Variants in P3H4 observed in about 807,000 individuals in gnomAD.
P3H4 encodes the protein endoplasmic reticulum protein SC65.
In P3H4, 47 loss-of-function variants were observed where a neutral mutation model predicts 52.9. The observed-to-expected ratio is 0.89, with a 90% confidence interval of 0.70 to 1.13. P3H4 has a LOEUF of 1.13. Ranked by LOEUF, P3H4 falls within the 50% of genes most tolerant of loss-of-function variation. The pLI is 0.00. For missense variants in P3H4, 585 were observed against 611.0 expected, an observed-to-expected ratio of 0.96 and a Z score of 0.45; for synonymous variants, 256 against 267.9, an observed-to-expected ratio of 0.96 and a Z score of 0.44.
intron 6 of P3H4, 115 bp from the exon 7 acceptor site, chr17:41,803,546 T>C: frequency 6.9e-6 from 6 of 872,568 alleles, no homozygotes; most frequent in Admixed American, 2.7e-5. Context: ...CCAAAGCCCC[T>C]CCCCCTCCCC....
rs782244634 is a variant in P3H4, at chr17:41,803,344, C to T, written c.1234G>A (p.Gly412Ser). ...TCCTGCCACCAGTCAGCATACATGCCCTCCTCGTAGTCACCCTCCCCCTCA... is the reference window on the plus strand; with the variant it reads ...TCCTGCCACCAGTCAGCATACATGCTCTCCTCGTAGTCACCCTCCCCCTCA... ...EFEGEGDYEE[G>S]MYADWWQEPD... The change falls in exon 7 of 8, where the codon GGC becomes AGC. Residue 412 changes from glycine (G) to serine (S), a missense_variant. Physicochemically the swap from Gly to Ser is moderately conservative, Grantham distance 56 (BLOSUM62 0). Transcript: ENST00000393928. 22 of 1,614,022 alleles carry T rather than the reference C, an allele frequency of 1.4e-5. No homozygotes were observed. The South Asian group carries it at 2.4e-4, about 18-fold the overall frequency.
chr17:41,805,928 A>T (rs1189165947), intron 6 of P3H4, among the ~76,000 whole-genome samples: 1 of 152,054 alleles, frequency 6.6e-6, no homozygotes, highest in East Asian at 1.9e-4. Context: ...ACTTGAAATC[A>T]ATGTTAATAG....
At chr17:41,810,482 C>T (rs1345795121) in intron 3 of P3H4, among the ~76,000 whole-genome samples, 1 of 152,076 alleles carries the variant, frequency 6.6e-6, no homozygotes, top group Non-Finnish European at 1.5e-5. Flanking sequence ...AAGTACAGTC[C>T]TTTCTGCCCC....
At chr17:41,803,182 G>T in intron 7 of P3H4, 105 bp downstream of exon 7, 1 of 1,505,238 alleles carries the variant, frequency 6.6e-7, no homozygotes. Context: ...ATGGGCCCCA[G>T]CACCCACACA....
Position 41,806,714 on chromosome 17 carries a change from AATTCTGGCACACTG to A in P3H4, c.1146+68_1146+81del. ...AGCTGACCACCAGGGGCTGGGGCTG[AATTCTGGCACACTG>A]GTGGCCCCAGGAAAAGGTCCAAGGT... On this transcript the variant is annotated intron_variant, in intron 6 of 7. Transcript: ENST00000393928. 3.3e-6 allele frequency: 4 copies of A among 1,205,856 alleles called. No homozygotes were observed. The South Asian group carries it at 5.2e-5, about 16-fold the overall frequency. 74.7% of individuals were successfully genotyped at this position (1,205,856 alleles called of 1,614,324 possible). A position where few individuals can be genotyped will look rare whatever the true frequency, so the allele number is the denominator to read the frequency against.
intron 4 of P3H4, among the ~76,000 whole-genome samples, chr17:41,808,425 T>A (rs1424017434): frequency 6.6e-6 from 1 of 152,168 alleles, no homozygotes; most frequent in Non-Finnish European, 1.5e-5. Flanking sequence ...TCTTGTTCTG[T>A]CACCCAGGTT....
rs782009458 is a variant in P3H4, at chr17:41,811,408, C to T, written c.462+46G>A. ...CCTTCGACCGATCTGTGGGGAGCCA[C>T]GACGCCCAGCCCGAGACAGGTCCCC... On this transcript the variant is annotated intron_variant, in intron 1 of 7. Coordinates refer to ENST00000393928, the MANE Select transcript of P3H4 (RefSeq NM_006455.3). This position sits in a 1 kb window ranked among gnomAD's most constrained non-coding sequence, Gnocchi z 4.8. 1.9e-6 allele frequency: 3 copies of T among 1,608,526 alleles called. No individual in the cohort carries two copies. The highest frequency in any genetic ancestry group is 2.5e-6 in the Non-Finnish European group (3 of 1,177,168).
Position 41,807,787 on chromosome 17 carries a change from C to T in P3H4, c.1062+72G>A, listed in dbSNP as rs1385260454. 83 of 1,541,196 alleles carry T rather than the reference C, an allele frequency of 5.4e-5. No individual in the cohort carries two copies. The East Asian group carries it at 6.1e-4, about 11-fold the overall frequency. On this transcript the variant is annotated intron_variant, in intron 5 of 7. Transcript: ENST00000393928. ...TGCTGGGATTACAGGCATGAGCCAC[C>T]GCGCCCGGCCGCCAGGAGTTCATTT...
intron 6 of P3H4, among the ~76,000 whole-genome samples, chr17:41,805,695 CAG>C (rs2047666969): frequency 6.6e-6 from 1 of 152,096 alleles, no homozygotes; most frequent in African/African-American, 2.4e-5. Flanking sequence ...GATGAAGAAA[CAG>C]AAGCTTGAGA....
intron 3 of P3H4, 110 bp downstream of exon 3, chr17:41,810,753 C>T (rs971787900): frequency 4.8e-5 from 65 of 1,359,798 alleles, no homozygotes; most frequent in Middle Eastern, 1.9e-4. Context: ...AGGCCTTCCT[C>T]CCGGCTGGCT....
chr17:41,809,748 C>T lies in P3H4; in HGVS notation c.874G>A (p.Val292Met), dbSNP rs371401688. 22 of 1,613,662 alleles carry T rather than the reference C, an allele frequency of 1.4e-5. 1 individual carries two copies. The highest frequency in any genetic ancestry group is 5.5e-5 in the South Asian group (5 of 91,032). ...NVGGYFVDKFVATMYHYLQFA... is the reference protein window; with the variant it reads ...NVGGYFVDKFMATMYHYLQFA... ...TGCAGGTAGTGGTACATGGTGGCCA[C>T]GAACTTGTCCACGAAGTAGCCACCC... The change falls in exon 4 of 8, where the codon GTG becomes ATG. Residue 292 changes from valine to methionine, a missense_variant. Val to Met is a conservative substitution (Grantham distance 21). Coordinates refer to ENST00000393928, the MANE Select transcript of P3H4 (RefSeq NM_006455.3).
Position 41,810,908 on chromosome 17 carries a change from C to A in P3H4, c.742G>T (p.Ala248Ser). The A allele has an allele frequency of 6.2e-7, 1 of 1,614,122 alleles. No homozygotes were observed. Among genetic ancestry groups the A allele is most frequent in the Non-Finnish European group, 8.5e-7 (1 of 1,180,010 alleles). The change falls in exon 3 of 8, where the codon GCC becomes TCC. Residue 248 changes from alanine to serine, a missense_variant. Physicochemically the swap from Ala to Ser is moderately conservative, Grantham distance 99. Coordinates refer to ENST00000393928, the MANE Select transcript of P3H4 (RefSeq NM_006455.3). ...FARCLAGCEG[A>S]HEQVDFKDFY... ...TCCTTGAAGTCCACCTGCTCATGGG[C>A]CCCTTCACAGCCGGCCAGGCACCGG...
At chr17:41,810,170 T>TC (rs1491478654) in intron 3 of P3H4, among the ~76,000 whole-genome samples, 1 of 107,092 alleles carries the variant, frequency 9.3e-6, no homozygotes, top group African/African-American at 4.0e-5. Context: ...AAGGACAGTC[T>TC]TTTTTTTTTT....
Position 41,811,825 on chromosome 17 carries a change from CG to C in P3H4, c.90del (p.Glu31ArgfsTer3). On this transcript the variant is annotated frameshift_variant, in exon 1 of 8. Coordinates refer to ENST00000393928, the MANE Select transcript of P3H4 (RefSeq NM_006455.3). LOFTEE classifies it high-confidence loss of function. This position sits in a 1 kb window ranked among gnomAD's most constrained non-coding sequence, Gnocchi z 4.8. ...YEKYSFRGFP[P>X]EDLMPLAAAY... The stretch of plus-strand genomic sequence containing the variant: ...GCCGCGGCCAGCGGCATCAGGTCCT[CG>C]GGCGGGAAGCCCCGGAAGCTGTACT... 1 of 1,540,736 alleles carries C rather than the reference CG, an allele frequency of 6.5e-7. No individual in the cohort carries two copies. The highest frequency in any genetic ancestry group is 1.2e-5 in the South Asian group (1 of 83,898).
At position 41,811,774 on chromosome 17, in the gene P3H4, C is replaced by G; in HGVS notation, c.142G>C (p.Glu48Gln). 1.3e-6 allele frequency: 2 copies of G among 1,532,432 alleles called. No individual in the cohort carries two copies. The highest frequency in any genetic ancestry group is 8.7e-7 in the Non-Finnish European group (1 of 1,151,580). The allele number at this position is 1,532,432 out of a possible 1,614,324, so 94.9% of individuals were successfully genotyped here. ...AAYGHALEQY[E>Q]GESWRESARY... ...GCGCTCTCGCGCCAGCTCTCTCCCT[C>G]GTACTGCTCCAGAGCGTGCCCGTAC... The change falls in exon 1 of 8, where the codon GAG becomes CAG. Residue 48 changes from glutamate (E) to glutamine (Q), a missense_variant. Coordinates refer to ENST00000393928, the MANE Select transcript of P3H4 (RefSeq NM_006455.3). The surrounding 1 kb of genome is among the most constrained non-coding windows in gnomAD (Gnocchi z 4.8).
intron 7 of P3H4, 116 bp from the exon 8 acceptor site, chr17:41,803,095 C>T: frequency 1.4e-6 from 2 of 1,441,562 alleles, no homozygotes; most frequent in Non-Finnish European, 1.9e-6. Flanking sequence ...CTCAGCTGGT[C>T]CCAGCTCCAG....
intron 5 of P3H4, chr17:41,807,624 A>G (rs2047686763): frequency 6.2e-6 from 2 of 324,228 alleles, no homozygotes; most frequent in Admixed American, 9.6e-5. Flanking sequence ...CAGCTTCCCG[A>G]GTAGTTGGTA....
intron 6 of P3H4, 150 bp downstream of exon 6, chr17:41,806,646 G>A: frequency 1.5e-6 from 1 of 651,756 alleles, no homozygotes. Context: ...GGAAGGAACG[G>A]ACAGTCTAGA....
In P3H4 at chr17:41,809,755, G is replaced by C. The variant is rs782651356; in HGVS notation, c.867C>G (p.Asp289Glu). ...AGTGGTACATGGTGGCCACGAACTT[G>C]TCCACGAAGTAGCCACCCACATTGG... Reference protein sequence around the residue: ...LTPNVGGYFVDKFVATMYHYL... With the variant: ...LTPNVGGYFVEKFVATMYHYL... Residue 289 changes from aspartate (D) to glutamate (E), a missense_variant, in exon 4 of 8, where the codon GAC becomes GAG. Transcript: ENST00000393928. The C allele has an allele frequency of 6.2e-7, 1 of 1,613,852 alleles. No homozygotes were observed. Among genetic ancestry groups the C allele is most frequent in the Non-Finnish European group, 8.5e-7 (1 of 1,179,984 alleles).
Sources: allele counts gnomAD v4.1 joint callset (sites outside exome capture counted in the v4.1 genomes callset), GRCh38; gene constraint gnomAD v4.1.1; non-coding constraint Gnocchi (gnomAD v3.1); transcripts MANE v1.5; gene names NCBI Gene and HGNC (gene_info 2026-07-23, HGNC 2026-07-21).